Variants in DPYSL2 observed in about 807,000 individuals in gnomAD.
DPYSL2 encodes dihydropyrimidinase like 2, also known as dihydropyrimidinase-related protein 2.
A neutral mutation model predicts 69.9 loss-of-function variants in DPYSL2; 13 were observed. That is an observed-to-expected ratio of 0.19 (90% CI 0.12 to 0.30). DPYSL2 has a LOEUF of 0.30. DPYSL2 is among the 10% of genes least tolerant of loss of function. DPYSL2 has a pLI of 1.00. For missense variants in DPYSL2, 587 were observed against 918.9 expected (o/e 0.64, Z 4.67); for synonymous variants, 326 against 359.1 (o/e 0.91, Z 1.04).
intron 1 of DPYSL2, among the ~76,000 whole-genome samples, chr8:26,521,999 A>G (rs577084456): frequency 6.0e-4 from 92 of 152,204 alleles, no homozygotes; most frequent in African/African-American, 2.2e-3. Flanking sequence ...TTTTTTTACA[A>G]GTTTTTGTTT....
At chr8:26,579,686 G>T (rs1200473717) in intron 1 of DPYSL2, among the ~76,000 whole-genome samples, 27 of 152,184 alleles carry the variant, frequency 1.8e-4, no homozygotes, top group Non-Finnish European at 5.9e-5. Flanking sequence ...ATGATCTGAA[G>T]AAGGGCGCTA....
chr8:26,600,382 A>G (rs1801963491), intron 3 of DPYSL2, among the ~76,000 whole-genome samples: 1 of 152,068 alleles, frequency 6.6e-6, no homozygotes, highest in Admixed American at 6.6e-5. Context: ...ACTGTTTCCC[A>G]AAGTGGTTGT....
chr8:26,559,051 T>C (rs1801033928), intron 1 of DPYSL2, among the ~76,000 whole-genome samples: 1 of 152,196 alleles, frequency 6.6e-6, no homozygotes, highest in Non-Finnish European at 1.5e-5. Context: ...CAAGAAATTC[T>C]CTGGCCTCAG....
intron 1 of DPYSL2, among the ~76,000 whole-genome samples, chr8:26,574,604 C>T (rs1224492018): frequency 5.3e-5 from 8 of 152,138 alleles, no homozygotes; most frequent in African/African-American, 1.4e-4. Context: ...ACATTGCTTT[C>T]TCATGTTTGG....
In DPYSL2 at chr8:26,588,064, A is replaced by G. The variant is rs73565410; in HGVS notation, c.628+4081A>G. Among the ~76,000 whole-genome samples, 119 of 152,276 alleles carry G rather than the reference A, an allele frequency of 7.8e-4. No individual in the cohort carries two copies. Among genetic ancestry groups the G allele is most frequent in the African/African-American group, 2.8e-3 (117 of 41,556 alleles). On this transcript the variant is annotated intron_variant, in intron 3 of 13. Coordinates refer to ENST00000521913, the MANE Select transcript of DPYSL2 (RefSeq NM_001197293.3). This position sits in a 1 kb window ranked among gnomAD's most constrained non-coding sequence, Gnocchi z 5.4. ...CTGCAAAATGGGGCAAGTTTTGACAAAGGTGGACTGTGGTGGCATCACAAC... is the reference window on the plus strand; with the variant it reads ...CTGCAAAATGGGGCAAGTTTTGACAGAGGTGGACTGTGGTGGCATCACAAC...
chr8:26,649,758 G>A (rs1239737820), intron 11 of DPYSL2, among the ~76,000 whole-genome samples: 2 of 152,180 alleles, frequency 1.3e-5, no homozygotes, highest in Admixed American at 6.5e-5. Flanking sequence ...CATCTGGCCC[G>A]ATGAGTAATT....
Position 26,641,389 on chromosome 8 carries a change from A to T in DPYSL2, c.1127-2050A>T, listed in dbSNP as rs1803042159. 6.6e-6 allele frequency among the ~76,000 whole-genome samples: 1 copy of T among 152,106 alleles called. No homozygotes were observed. The highest frequency in any genetic ancestry group is 2.4e-5 in the African/African-American group (1 of 41,354). On this transcript the variant is annotated intron_variant, in intron 8 of 13. Transcript: ENST00000521913. The surrounding 1 kb of genome is among the most constrained non-coding windows in gnomAD (Gnocchi z 4.1). ...ATGGACTGTGGCCAGCGGGACCTCC[A>T]GGCCTGGCTGGGTCAGGAGAGTTTT...
intron 1 of DPYSL2, among the ~76,000 whole-genome samples, chr8:26,569,558 C>T (rs769560130): frequency 8.6e-5 from 13 of 152,038 alleles, no homozygotes; most frequent in Non-Finnish European, 1.3e-4. Flanking sequence ...GAGTGTTGTG[C>T]GGTCACTGTA....
chr8:26,549,853 T>C (rs1800844257), intron 1 of DPYSL2, among the ~76,000 whole-genome samples: 1 of 152,096 alleles, frequency 6.6e-6, no homozygotes, highest in Non-Finnish European at 1.5e-5. Context: ...ATAAAGACTT[T>C]CTCAGACAAA....
At position 26,565,489 on chromosome 8, in the gene DPYSL2, GT is replaced by G. The variant is rs553807585; in HGVS notation, c.355-16478del. On this transcript the variant is annotated intron_variant, in intron 1 of 13. Coordinates refer to ENST00000521913, the MANE Select transcript of DPYSL2 (RefSeq NM_001197293.3). The surrounding 1 kb of genome is among the most constrained non-coding windows in gnomAD (Gnocchi z 4.1). ...TGACTCATCACATCTTGATGATGTG[GT>G]TAGGGGATGAGGGCTCAGATAGCCC... is the stretch of plus-strand genomic sequence containing the variant. Among the ~76,000 whole-genome samples, 405 of 152,260 alleles carry G rather than the reference GT, an allele frequency of 2.7e-3. No individual in the cohort carries two copies. Among genetic ancestry groups the G allele is most frequent in the African/African-American group, 9.4e-3 (389 of 41,544 alleles).
chr8:26,516,871 A>G lies in DPYSL2; in HGVS notation c.354+2192A>G, dbSNP rs766506452. ...CTGGATCAGTACTTGCAATGTTTCA[A>G]TATTTCATGTCTTTAGAAAAGGGGA... is the stretch of plus-strand genomic sequence containing the variant. On this transcript the variant is annotated intron_variant, in intron 1 of 13. Coordinates refer to ENST00000521913, the MANE Select transcript of DPYSL2 (RefSeq NM_001197293.3). This position sits in a 1 kb window ranked among gnomAD's most constrained non-coding sequence, Gnocchi z 4.8. 4.6e-5 allele frequency among the ~76,000 whole-genome samples: 7 copies of G among 152,304 alleles called. 1 individual carries two copies. The highest frequency in any genetic ancestry group is 3.9e-4 in the Admixed American group (6 of 15,302).
chr8:26,649,389 T>C (rs2129988482), intron 11 of DPYSL2, among the ~76,000 whole-genome samples: 1 of 152,308 alleles, frequency 6.6e-6, no homozygotes, highest in South Asian at 2.1e-4. Context: ...ATGACCTAGC[T>C]GGGGAACTTG....
intron 3 of DPYSL2, among the ~76,000 whole-genome samples, chr8:26,622,395 T>C (rs1480082875): frequency 6.6e-6 from 1 of 151,940 alleles, no homozygotes; most frequent in African/African-American, 2.4e-5. Context: ...CACTAATACT[T>C]ACAAAAAAGT....
Position 26,652,820 on chromosome 8 carries a change from T to C in DPYSL2, c.1776+384T>C, listed in dbSNP as rs1478575311. On this transcript the variant is annotated intron_variant, in intron 12 of 13. Coordinates refer to ENST00000521913, the MANE Select transcript of DPYSL2 (RefSeq NM_001197293.3). The surrounding 1 kb of genome is among the most constrained non-coding windows in gnomAD (Gnocchi z 6.3). The stretch of plus-strand genomic sequence containing the variant: ...GAATTTGATAAGAGTATCATGAGCA[T>C]AGAAAATGTACAGTGTATTCAGGGC... 6.6e-6 allele frequency among the ~76,000 whole-genome samples: 1 copy of C among 152,050 alleles called. No homozygotes were observed. Among genetic ancestry groups the C allele is most frequent in the African/African-American group, 2.4e-5 (1 of 41,392 alleles).
chr8:26,578,404 T>TC, intron 1 of DPYSL2: 3 of 1,576,256 alleles, frequency 1.9e-6, no homozygotes, highest in African/African-American at 2.7e-5. Flanking sequence ...ACTTTTTTTT[T>TC]CCTTTCTGTT....
rs377616608 is a variant in DPYSL2 at position 26,586,875 on chromosome 8, C to G, written c.628+2892C>G. ...GCTATAGAGTGGGGCATCCAATGAG[C>G]GAACCTCAAGGAATAAAAGTCATCA... On this transcript the variant is annotated intron_variant, in intron 3 of 13. Coordinates refer to ENST00000521913, the MANE Select transcript of DPYSL2 (RefSeq NM_001197293.3). The surrounding 1 kb of genome is among the most constrained non-coding windows in gnomAD (Gnocchi z 4.7). Among the ~76,000 whole-genome samples the G allele has an allele frequency of 6.6e-6, 1 of 152,138 alleles. No individual in the cohort carries two copies. Among genetic ancestry groups the G allele is most frequent in the Admixed American group, 6.5e-5 (1 of 15,280 alleles).
intron 3 of DPYSL2, among the ~76,000 whole-genome samples, chr8:26,589,176 C>T (rs1359461505): frequency 6.6e-6 from 1 of 152,228 alleles, no homozygotes; most frequent in Non-Finnish European, 1.5e-5. Flanking sequence ...GTCATCTCAG[C>T]CAGGGATGCC....
chr8:26,521,653 A>C (rs1385056002), intron 1 of DPYSL2, among the ~76,000 whole-genome samples: 8 of 152,160 alleles, frequency 5.3e-5, no homozygotes, highest in Non-Finnish European at 4.4e-5. Flanking sequence ...TGTACCATTA[A>C]GCAGTCACTT....
chr8:26,568,976 A>G (rs1299900144), intron 1 of DPYSL2, among the ~76,000 whole-genome samples: 2 of 152,138 alleles, frequency 1.3e-5, no homozygotes, highest in African/African-American at 4.8e-5. Flanking sequence ...TAGAAAAGGA[A>G]TCTGCTCGCT....
Sources: allele counts gnomAD v4.1 joint callset (sites outside exome capture counted in the v4.1 genomes callset), GRCh38; gene constraint gnomAD v4.1.1; non-coding constraint Gnocchi (gnomAD v3.1); transcripts MANE v1.5; gene names NCBI Gene and HGNC (gene_info 2026-07-23, HGNC 2026-07-21).